ITFG1: variants seen among roughly 807,000 people sequenced by gnomAD.
The protein encoded by ITFG1 is integrin alpha FG-GAP repeat containing 1.
ITFG1 carries 34 observed loss-of-function variants against 81.8 expected under a neutral mutation model. That is an observed-to-expected ratio of 0.42 (90% CI 0.32 to 0.55). ITFG1 has a LOEUF of 0.55. Ranked by LOEUF, ITFG1 falls within the 20% of genes least tolerant of loss-of-function variation. The pLI, the probability that ITFG1 is intolerant of heterozygous loss-of-function variation, is 0.17. For synonymous variants in ITFG1, 285 were observed against 270.6 expected, an observed-to-expected ratio of 1.05 and a Z score of -0.52; for missense variants, 672 against 755.4, an observed-to-expected ratio of 0.89 and a Z score of 1.29.
chr16:47,249,792 T>C (rs1296273733), intron 12 of ITFG1, among the ~76,000 whole-genome samples: 1 of 152,224 alleles, frequency 6.6e-6, no homozygotes, highest in Non-Finnish European at 1.5e-5. Context: ...GTATAAAAAT[T>C]TGGCTTCTAG....
At chr16:47,384,755 G>A (rs996104316) in intron 6 of ITFG1, among the ~76,000 whole-genome samples, 9 of 152,198 alleles carry the variant, frequency 5.9e-5, no homozygotes, top group Middle Eastern at 3.4e-3. Flanking sequence ...CTCTGACTGC[G>A]TGGCAGTCAA....
intron 6 of ITFG1, among the ~76,000 whole-genome samples, chr16:47,420,446 A>C (rs539279582): frequency 6.6e-6 from 1 of 152,292 alleles, no homozygotes; most frequent in South Asian, 2.1e-4. Context: ...GAAGTGCTGA[A>C]CTATTAATGT....
chr16:47,287,945 T>C (rs1596862793), intron 10 of ITFG1, among the ~76,000 whole-genome samples: 1 of 152,376 alleles, frequency 6.6e-6, no homozygotes. Flanking sequence ...TTCTGCCTTA[T>C]ACAGTGTTAT....
chr16:47,429,741 C>CA (rs1405960411), intron 5 of ITFG1, among the ~76,000 whole-genome samples: 2 of 152,132 alleles, frequency 1.3e-5, no homozygotes, highest in African/African-American at 2.4e-5. Context: ...AATGTCTACT[C>CA]AAATTATTTT....
In ITFG1 at chr16:47,364,399, T is replaced by C. The variant is rs185384618; in HGVS notation, c.802+1389A>G. 4.1e-4 allele frequency among the ~76,000 whole-genome samples: 62 copies of C among 152,366 alleles called. No homozygotes were observed. In the East Asian group the frequency reaches 0.011, roughly 26 times the overall value. On this transcript the variant is annotated intron_variant, in intron 8 of 17. Coordinates refer to ENST00000320640, the MANE Select transcript of ITFG1 (RefSeq NM_030790.5). Reference sequence around the variant, plus strand: ...TTGTTAAAAGTAAGGCATTTTATGATATAAAACACACGATCATAAAAGATA... The same window carrying C: ...TTGTTAAAAGTAAGGCATTTTATGACATAAAACACACGATCATAAAAGATA...
intron 14 of ITFG1, among the ~76,000 whole-genome samples, chr16:47,164,067 A>G (rs13331589): frequency 0.016 from 2,472 of 151,930 alleles, 69 homozygotes; most frequent in African/African-American, 0.055. Flanking sequence ...GTTTCTTTGT[A>G]TGTCTTATAA....
intron 12 of ITFG1, among the ~76,000 whole-genome samples, chr16:47,254,423 T>C (rs948539293): frequency 6.6e-6 from 1 of 152,098 alleles, no homozygotes; most frequent in Non-Finnish European, 1.5e-5. Context: ...GGAATTGGAA[T>C]ATCTTATCAA....
At chr16:47,239,171 A>G (rs1965906625) in intron 12 of ITFG1, among the ~76,000 whole-genome samples, 1 of 151,918 alleles carries the variant, frequency 6.6e-6, no homozygotes, top group Non-Finnish European at 1.5e-5. Flanking sequence ...GCGAGCAATA[A>G]ATTTCTGTTG....
At chr16:47,238,490 C>T (rs1367885429) in intron 12 of ITFG1, among the ~76,000 whole-genome samples, 1 of 151,968 alleles carries the variant, frequency 6.6e-6, no homozygotes, top group African/African-American at 2.4e-5. Flanking sequence ...GAGAGCATAA[C>T]TATAAAATAA....
At chr16:47,339,077 C>G (rs773632808) in intron 8 of ITFG1, among the ~76,000 whole-genome samples, 1 of 152,188 alleles carries the variant, frequency 6.6e-6, no homozygotes, top group Non-Finnish European at 1.5e-5. Flanking sequence ...TGCCTGGCTT[C>G]TTTCATTTAA....
intron 5 of ITFG1, among the ~76,000 whole-genome samples, chr16:47,442,632 C>G (rs751327712): frequency 6.6e-6 from 1 of 152,020 alleles, no homozygotes; most frequent in Non-Finnish European, 1.5e-5. Context: ...ACAAACCTGA[C>G]AAAAACAAGC....
At chr16:47,435,865 A>G (rs1247771585) in intron 5 of ITFG1, among the ~76,000 whole-genome samples, 1 of 152,214 alleles carries the variant, frequency 6.6e-6, no homozygotes, top group Non-Finnish European at 1.5e-5. Context: ...TTTCATCAGC[A>G]CAAATAGCTG....
chr16:47,455,840 C>T (rs970920451), intron 2 of ITFG1, among the ~76,000 whole-genome samples: 17 of 145,008 alleles, frequency 1.2e-4, no homozygotes, highest in African/African-American at 4.3e-4. Context: ...AAACCTCCTG[C>T]AAAGGAAAAT....
chr16:47,326,186 C>A (rs543023026), intron 8 of ITFG1, among the ~76,000 whole-genome samples: 1 of 152,176 alleles, frequency 6.6e-6, no homozygotes, highest in South Asian at 2.1e-4. Flanking sequence ...AATCAATACA[C>A]CTAATACAGC....
chr16:47,448,782 C>T (rs891109154), intron 5 of ITFG1: 11 of 152,154 alleles, frequency 7.2e-5, no homozygotes, highest in African/African-American at 2.2e-4. Context: ...TTATCAATAA[C>T]GTCACATCAC....
chr16:47,240,034 G>A (rs1965915650), intron 12 of ITFG1, among the ~76,000 whole-genome samples: 1 of 151,652 alleles, frequency 6.6e-6, no homozygotes, highest in African/African-American at 2.4e-5. Context: ...GCTCATGCCT[G>A]TAATCCCAGC....
At chr16:47,177,720 T>G (rs1034440162) in intron 14 of ITFG1, among the ~76,000 whole-genome samples, 12 of 152,346 alleles carry the variant, frequency 7.9e-5, no homozygotes, top group African/African-American at 2.9e-4. Flanking sequence ...GTTGTTATAC[T>G]AATTTCCAGT....
rs146004968 is a variant in ITFG1 at position 47,279,179 on chromosome 16, T to C, written c.1071-18484A>G. On this transcript the variant is annotated intron_variant, in intron 10 of 17. Coordinates refer to ENST00000320640, the MANE Select transcript of ITFG1 (RefSeq NM_030790.5). ...CAGCCTTTCTCTTTCGTTGACTGTG[T>C]TTCTGGTGTCATGGCTAAGAGCTCT... is the stretch of plus-strand genomic sequence containing the variant. Among the ~76,000 whole-genome samples, 122 of 152,260 alleles carry C rather than the reference T, an allele frequency of 8.0e-4. 1 individual carries two copies. Among genetic ancestry groups the C allele is most frequent in the African/African-American group, 2.8e-3 (116 of 41,544 alleles).
chr16:47,256,694 T>C (rs1292315185), intron 12 of ITFG1, among the ~76,000 whole-genome samples: 4 of 152,216 alleles, frequency 2.6e-5, no homozygotes, highest in South Asian at 2.1e-4. Context: ...ATAATGAAGA[T>C]AGGTGAAACT....
Sources: allele counts gnomAD v4.1 joint callset (sites outside exome capture counted in the v4.1 genomes callset), GRCh38; gene constraint gnomAD v4.1.1; transcripts MANE v1.5; gene names NCBI Gene and HGNC (gene_info 2026-07-23, HGNC 2026-07-21).